UTRN: variants seen among roughly 807,000 people sequenced by gnomAD.
UTRN encodes the protein dystrophin-related protein 1.
Under a neutral mutation model 463.9 loss-of-function variants are expected in UTRN, and 283 were observed. That is an observed-to-expected ratio of 0.61 (90% confidence interval 0.55 to 0.67). The LOEUF is 0.67. UTRN is among the 30% of genes least tolerant of loss of function. The probability of loss-of-function intolerance (pLI) is 0.00; values close to 1 mark genes in which losing one functional copy is unlikely to be tolerated. For synonymous variants in UTRN, 1,442 were observed against 1,431.5 expected (o/e 1.01, Z -0.17); for missense variants, 3,922 against 4,084.3 (o/e 0.96, Z 1.08).
intron 65 of UTRN, among the ~76,000 whole-genome samples, chr6:144,806,880 A>ATG (rs1266685388): frequency 5.9e-5 from 6 of 102,064 alleles, no homozygotes; most frequent in African/African-American, 1.0e-4. Flanking sequence ...AGTATTCAGA[A>ATG]ATCATTGCTT....
At chr6:144,630,541 T>C (rs2128654093) in intron 51 of UTRN, among the ~76,000 whole-genome samples, 1 of 152,298 alleles carries the variant, frequency 6.6e-6, no homozygotes, top group South Asian at 2.1e-4. Flanking sequence ...TTATTCACTA[T>C]TATGAGAGCA....
At chr6:144,597,876 A>C (rs1439495110) in intron 51 of UTRN, among the ~76,000 whole-genome samples, 1 of 152,208 alleles carries the variant, frequency 6.6e-6, no homozygotes, top group Non-Finnish European at 1.5e-5. Context: ...TAGCACACAT[A>C]CTGTTGTTTT....
Position 144,516,959 on chromosome 6 carries a change from T to C in UTRN, c.5541+11T>C. 6.9e-7 allele frequency: 1 copy of C among 1,456,426 alleles called. No homozygotes were observed. Among genetic ancestry groups the C allele is most frequent in the South Asian group, 1.6e-5 (1 of 63,076 alleles). 90.2% of individuals were successfully genotyped at this position (1,456,426 alleles called of 1,614,324 possible). ...TACAACAAAATTAAGGTATTATGAT[T>C]GGAGAGTCTCTGTTGCATTTAAATA... On this transcript the variant is annotated intron_variant, in intron 39 of 74. Coordinates refer to ENST00000367545, the MANE Select transcript of UTRN (RefSeq NM_007124.3).
chr6:144,316,665 G>A (rs1396791968), intron 2 of UTRN, among the ~76,000 whole-genome samples: 1 of 152,134 alleles, frequency 6.6e-6, no homozygotes, highest in Admixed American at 6.5e-5. Flanking sequence ...AATTTTAGAT[G>A]GAGAAAATAT....
rs371216341 is a variant in UTRN at position 144,520,844 on chromosome 6, G to C, written c.5542-1136G>C. On this transcript the variant is annotated intron_variant, in intron 39 of 74. Transcript: ENST00000367545. ...TAGGAGAAGTGAAAGTGTCAAGGAA[G>C]GTACCTTAATTCATGAGCAGCTGCA... Among the ~76,000 whole-genome samples the C allele has an allele frequency of 1.1e-4, 17 of 152,312 alleles. No homozygotes were observed. The South Asian group carries it at 1.2e-3, about 11-fold the overall frequency.
chr6:144,684,771 C>T (rs1315546488), intron 52 of UTRN, among the ~76,000 whole-genome samples: 1 of 151,976 alleles, frequency 6.6e-6, no homozygotes, highest in Non-Finnish European at 1.5e-5. Context: ...GGGTGCCTTC[C>T]TTCATTAGCT....
chr6:144,452,634 C>T (rs182458725), intron 18 of UTRN, among the ~76,000 whole-genome samples: 80 of 152,068 alleles, frequency 5.3e-4, no homozygotes, highest in Non-Finnish European at 8.1e-4. Context: ...AATTAGGAGC[C>T]ATTCCTCAAC....
chr6:144,379,853 G>A (rs1452138474), intron 2 of UTRN, among the ~76,000 whole-genome samples: 1 of 152,202 alleles, frequency 6.6e-6, no homozygotes, highest in Non-Finnish European at 1.5e-5. Flanking sequence ...CTTAGTAAAA[G>A]TGTGAAGAGG....
chr6:144,733,949 G>C (rs1263247340), intron 54 of UTRN, among the ~76,000 whole-genome samples: 1 of 152,122 alleles, frequency 6.6e-6, no homozygotes, highest in Non-Finnish European at 1.5e-5. Flanking sequence ...TATAACCTAT[G>C]CAATGCCTGT....
At chr6:144,749,828 T>G (rs190896186) in intron 55 of UTRN, among the ~76,000 whole-genome samples, 1 of 152,312 alleles carries the variant, frequency 6.6e-6, no homozygotes, top group Non-Finnish European at 1.5e-5. Flanking sequence ...CCAAAAGATT[T>G]TTAAAGCCTG....
At chr6:144,416,998 G>T (rs1410050399) in intron 3 of UTRN, among the ~76,000 whole-genome samples, 6 of 152,310 alleles carry the variant, frequency 3.9e-5, no homozygotes, top group African/African-American at 1.2e-4. Context: ...CTGTCAGGAT[G>T]AATCAGTTTT....
chr6:144,470,349 G>C (rs572350248), intron 23 of UTRN, among the ~76,000 whole-genome samples: 16 of 151,834 alleles, frequency 1.1e-4, no homozygotes, highest in Admixed American at 1.0e-3. Context: ...TCCCAGATGG[G>C]GTGGCTGCCG....
At chr6:144,761,981 T>C (rs1016020094) in intron 58 of UTRN, among the ~76,000 whole-genome samples, 1 of 152,196 alleles carries the variant, frequency 6.6e-6, no homozygotes, top group Non-Finnish European at 1.5e-5. Context: ...GAAGTAATAA[T>C]GATCATTGTA....
At chr6:144,592,590 C>A (rs993543164) in intron 51 of UTRN, among the ~76,000 whole-genome samples, 1 of 152,186 alleles carries the variant, frequency 6.6e-6, no homozygotes, top group African/African-American at 2.4e-5. Context: ...ATGATAGTCT[C>A]GATCTCTTGA....
chr6:144,411,222 T>A (rs964981207), intron 3 of UTRN, among the ~76,000 whole-genome samples: 1 of 152,228 alleles, frequency 6.6e-6, no homozygotes. Flanking sequence ...CCAACATCTA[T>A]TGGTTTTTGA....
intron 2 of UTRN, among the ~76,000 whole-genome samples, chr6:144,356,940 T>TTG (rs1554224179): frequency 6.6e-6 from 1 of 151,918 alleles, no homozygotes; most frequent in Non-Finnish European, 1.5e-5. Flanking sequence ...TAGGATTTCT[T>TTG]TATAGTTAAA....
chr6:144,318,844 G>A (rs1775450034), intron 2 of UTRN, among the ~76,000 whole-genome samples: 1 of 152,198 alleles, frequency 6.6e-6, no homozygotes, highest in Admixed American at 6.5e-5. Flanking sequence ...GCGTAGGCAG[G>A]CAGATTGTTG....
At chr6:144,800,432 C>A (rs17074207) in intron 64 of UTRN, among the ~76,000 whole-genome samples, 5,401 of 152,208 alleles carry the variant, frequency 0.035, 141 homozygotes, top group South Asian at 0.075. Flanking sequence ...ATCAAATTGA[C>A]CTGTAAATGT....
At chr6:144,490,566 A>G (rs1792962833) in intron 31 of UTRN, among the ~76,000 whole-genome samples, 1 of 152,224 alleles carries the variant, frequency 6.6e-6, no homozygotes, top group African/African-American at 2.4e-5. Context: ...GGTTGATATG[A>G]CATTGACTTT....
Sources: gnomAD v4.1 joint callset for allele counts (sites outside exome capture counted in the v4.1 genomes callset) on GRCh38, gnomAD v4.1.1 for gene constraint, MANE v1.5 for transcripts, NCBI Gene and HGNC (gene_info 2026-07-23, HGNC 2026-07-21) for gene names.